Variants in SCFD2 observed in about 807,000 individuals in gnomAD.
SCFD2 encodes sec1 family domain containing 2.
A neutral mutation model predicts 58.9 loss-of-function variants in SCFD2; 54 were observed. That is an observed-to-expected ratio of 0.92 (90% CI 0.74 to 1.15). The LOEUF is 1.15. SCFD2 is among the 50% of genes most tolerant of loss of function. SCFD2 has a pLI of 0.00. For missense variants in SCFD2, 805 were observed against 836.6 expected, an observed-to-expected ratio of 0.96 and a Z score of 0.47; for synonymous variants, 321 against 335.9, an observed-to-expected ratio of 0.96 and a Z score of 0.49.
At chr4:53,246,795 C>T (rs1426224344) in intron 4 of SCFD2, among the ~76,000 whole-genome samples, 1 of 152,056 alleles carries the variant, frequency 6.6e-6, no homozygotes, top group Non-Finnish European at 1.5e-5. Flanking sequence ...CTGGCAAAGA[C>T]TTCATGATGA....
intron 2 of SCFD2, among the ~76,000 whole-genome samples, chr4:53,347,664 G>C (rs547232741): frequency 6.6e-6 from 1 of 152,168 alleles, no homozygotes; most frequent in Non-Finnish European, 1.5e-5. Flanking sequence ...AAGAGCCAAA[G>C]CCCTGAGGCA....
At chr4:52,949,314 CA>C (rs1462708030) in intron 5 of SCFD2, 1 of 151,464 alleles carries the variant, frequency 6.6e-6, no homozygotes, top group East Asian at 1.9e-4. Context: ...CATATTTTAA[CA>C]ATGGCATCTT....
intron 2 of SCFD2, among the ~76,000 whole-genome samples, chr4:53,342,470 G>A (rs1381962459): frequency 5.9e-5 from 9 of 152,134 alleles, no homozygotes; most frequent in African/African-American, 1.9e-4. Flanking sequence ...AGTCCTTAGA[G>A]ACCTACAAAG....
chr4:53,057,555 G>A (rs1364090617), intron 5 of SCFD2, among the ~76,000 whole-genome samples: 1 of 152,118 alleles, frequency 6.6e-6, no homozygotes, highest in Non-Finnish European at 1.5e-5. Context: ...CTGTTGAGGG[G>A]TGGGGGGTGA....
At chr4:52,941,124 AC>A (rs958019335) in intron 5 of SCFD2, among the ~76,000 whole-genome samples, 2 of 151,874 alleles carry the variant, frequency 1.3e-5, no homozygotes, top group African/African-American at 4.8e-5. Context: ...GTAGCCTCAC[AC>A]CCCTTTTCAA....
chr4:53,007,408 AGGG>A (rs765629063), intron 5 of SCFD2, among the ~76,000 whole-genome samples: 1,375 of 72,648 alleles, frequency 0.019, 8 homozygotes, highest in Admixed American at 0.025. Context: ...GAAGGAAGGG[AGGG>A]AGGGAGGGAG....
chr4:53,064,562 C>G (rs1723604136), intron 5 of SCFD2, among the ~76,000 whole-genome samples: 1 of 152,054 alleles, frequency 6.6e-6, no homozygotes, highest in Non-Finnish European at 1.5e-5. Flanking sequence ...GAGGACAATC[C>G]AAGTAACAGT....
intron 4 of SCFD2, among the ~76,000 whole-genome samples, chr4:53,254,351 C>T (rs1304288352): frequency 1.3e-5 from 2 of 152,302 alleles, no homozygotes; most frequent in South Asian, 2.1e-4. Context: ...GTTTCCCCTG[C>T]ATGCACTCAC....
intron 5 of SCFD2, among the ~76,000 whole-genome samples, chr4:53,026,082 C>T (rs1401711357): frequency 8.7e-6 from 1 of 115,598 alleles, no homozygotes. Flanking sequence ...ACCAGAAAAA[C>T]AACAACAACA....
intron 5 of SCFD2, among the ~76,000 whole-genome samples, chr4:53,055,962 C>A (rs982356001): frequency 6.6e-6 from 1 of 152,052 alleles, no homozygotes; most frequent in African/African-American, 2.4e-5. Flanking sequence ...TCTCTCCTAG[C>A]CCCAGCACTT....
chr4:53,309,165 A>G (rs1479274498), intron 3 of SCFD2, among the ~76,000 whole-genome samples: 1 of 152,088 alleles, frequency 6.6e-6, no homozygotes, highest in Non-Finnish European at 1.5e-5. Context: ...AGTACAGTAC[A>G]GTGTTCAAAA....
intron 3 of SCFD2, among the ~76,000 whole-genome samples, chr4:53,292,947 TC>T (rs1731893195): frequency 6.6e-6 from 1 of 151,844 alleles, no homozygotes; most frequent in Non-Finnish European, 1.5e-5. Flanking sequence ...GAAGACAAAT[TC>T]ATAGGTGGAG....
At chr4:53,114,559 CT>C (rs1725266522) in intron 5 of SCFD2, among the ~76,000 whole-genome samples, 1 of 152,126 alleles carries the variant, frequency 6.6e-6, no homozygotes, top group Admixed American at 6.6e-5. Flanking sequence ...ATCAGAACCT[CT>C]TGGAGTCCAG....
intron 7 of SCFD2, among the ~76,000 whole-genome samples, chr4:52,889,178 T>A (rs189446322): frequency 6.6e-6 from 1 of 152,172 alleles, no homozygotes; most frequent in Non-Finnish European, 1.5e-5. Context: ...TGTCTCCCCA[T>A]CCGCAGTTTG....
intron 4 of SCFD2, among the ~76,000 whole-genome samples, chr4:53,211,169 G>C (rs1382030932): frequency 1.3e-5 from 2 of 151,890 alleles, no homozygotes; most frequent in Non-Finnish European, 2.9e-5. Flanking sequence ...TTTGAACCCG[G>C]GGGGCGGAGG....
chr4:52,933,326 T>C (rs544130307), intron 5 of SCFD2, among the ~76,000 whole-genome samples: 2 of 152,158 alleles, frequency 1.3e-5, no homozygotes, highest in African/African-American at 2.4e-5. Context: ...TAGGCCCCCA[T>C]GGAGATGCTC....
intron 7 of SCFD2, among the ~76,000 whole-genome samples, chr4:52,897,266 C>T (rs1719043460): frequency 6.6e-6 from 1 of 152,176 alleles, no homozygotes; most frequent in South Asian, 2.1e-4. Context: ...CAGTTTTTGC[C>T]CATTCAGTAT....
At chr4:53,352,877 T>C (rs552548215) in intron 1 of SCFD2, 111 bp from the exon 2 acceptor site, 17 of 958,364 alleles carry the variant, frequency 1.8e-5, no homozygotes, top group Admixed American at 1.4e-4. Flanking sequence ...TTTTAGTTTC[T>C]GTTCAACAAA....
chr4:53,130,699 A>G (rs531991634), intron 5 of SCFD2, among the ~76,000 whole-genome samples: 8 of 152,292 alleles, frequency 5.3e-5, no homozygotes, highest in African/African-American at 1.9e-4. Context: ...GGACTGATCT[A>G]CAACCTCTGG....
Sources: gnomAD v4.1 joint callset for allele counts (sites outside exome capture counted in the v4.1 genomes callset) on GRCh38, gnomAD v4.1.1 for gene constraint, MANE v1.5 for transcripts, NCBI Gene and HGNC (gene_info 2026-07-23, HGNC 2026-07-21) for gene names.